The following LIPI variants were observed in gnomAD, a reference collection of about 807,000 sequenced individuals.
LIPI encodes the protein lipase member I.
LIPI carries 59 observed loss-of-function variants against 50.6 expected under a neutral mutation model. The ratio of observed to expected loss-of-function variants is 1.16; its 90% CI spans 0.94 to 1.45. The LOEUF is 1.45. Ranked by LOEUF, LIPI falls within the 40% of genes most tolerant of loss-of-function variation. The pLI is 0.00. For synonymous variants in LIPI, 203 were observed against 178.2 expected, an observed-to-expected ratio of 1.14 and a Z score of -1.11; for missense variants, 586 against 536.3, an observed-to-expected ratio of 1.09 and a Z score of -0.92.
At chr21:14,168,789 A>T (rs2018786445) in intron 4 of LIPI, among the ~76,000 whole-genome samples, 1 of 152,218 alleles carries the variant, frequency 6.6e-6, no homozygotes, top group African/African-American at 2.4e-5. Flanking sequence ...CACTGAGGCT[A>T]GGAAGAAACT....
At chr21:14,188,137 A>G (rs1175702360) in intron 2 of LIPI, among the ~76,000 whole-genome samples, 1 of 152,218 alleles carries the variant, frequency 6.6e-6, no homozygotes. Flanking sequence ...TAGGATAGAC[A>G]TGGATCTCCC....
chr21:14,125,818 G>A (rs1402627931), intron 9 of LIPI, among the ~76,000 whole-genome samples: 3 of 152,224 alleles, frequency 2.0e-5, no homozygotes, highest in East Asian at 3.9e-4. Flanking sequence ...GCCTCCCAAA[G>A]TGCTGGGTTA....
intron 6 of LIPI, 91 bp downstream of exon 6, chr21:14,165,132 G>A (rs1600884050): frequency 2.1e-6 from 2 of 955,976 alleles, no homozygotes; most frequent in East Asian, 5.2e-5. Context: ...CAAGTAAACA[G>A]AGTGCACAGT....
At position 14,210,949 on chromosome 21, in the gene LIPI, C is replaced by A; in HGVS notation, c.-104G>T. ...TAGGATCATCACAGGCTGGCAGGTT[C>A]TTCTGTAAAAGTTCACTGATTTTTG... On this transcript the variant is annotated 5_prime_UTR_variant, in exon 1 of 10. Transcript: ENST00000681601. 9.4e-7 allele frequency: 1 copy of A among 1,064,960 alleles called. No homozygotes were observed. The highest frequency in any genetic ancestry group is 1.1e-6 in the Non-Finnish European group (1 of 875,738). The allele number at this position is 1,064,960 out of a possible 1,614,324, so 66.0% of individuals were successfully genotyped here.
At chr21:14,176,803 T>C (rs1231324372) in intron 4 of LIPI, among the ~76,000 whole-genome samples, 1 of 151,466 alleles carries the variant, frequency 6.6e-6, no homozygotes, top group Non-Finnish European at 1.5e-5. Context: ...ATTATTATTA[T>C]TATACTTTAA....
intron 4 of LIPI, among the ~76,000 whole-genome samples, chr21:14,169,275 C>A (rs1246259596): frequency 6.6e-6 from 1 of 152,044 alleles, no homozygotes; most frequent in Non-Finnish European, 1.5e-5. Flanking sequence ...GAGACTTTAA[C>A]ACCTCACTGT....
intron 4 of LIPI, among the ~76,000 whole-genome samples, chr21:14,170,967 C>G (rs533426943): frequency 6.6e-6 from 1 of 151,676 alleles, no homozygotes; most frequent in African/African-American, 2.4e-5. Context: ...TAGAAAACCC[C>G]ATTTTCTCAG....
chr21:14,144,836 AT>A (rs1170279889), intron 8 of LIPI, 37 bp from the exon 9 acceptor site: 2 of 1,372,610 alleles, frequency 1.5e-6, no homozygotes, highest in Non-Finnish European at 2.1e-6. Flanking sequence ...CATATTAATA[AT>A]TTGAAACATA....
chr21:14,155,586 T>G (rs1483456548), intron 7 of LIPI, among the ~76,000 whole-genome samples: 2 of 152,020 alleles, frequency 1.3e-5, no homozygotes, highest in African/African-American at 4.8e-5. Flanking sequence ...AAAGAAATGA[T>G]GCATTACCTA....
At chr21:14,169,665 T>C (rs1207461404) in intron 4 of LIPI, among the ~76,000 whole-genome samples, 1 of 152,084 alleles carries the variant, frequency 6.6e-6, no homozygotes, top group Non-Finnish European at 1.5e-5. Context: ...TTGAAACCAA[T>C]GAGAACAAAG....
chr21:14,119,333 C>T (rs766909427), intron 9 of LIPI, among the ~76,000 whole-genome samples: 5 of 152,178 alleles, frequency 3.3e-5, no homozygotes, highest in African/African-American at 7.2e-5. Context: ...CTCCTTTGAG[C>T]GCTGTGGAAA....
At chr21:14,126,189 A>G (rs1311853823) in intron 9 of LIPI, among the ~76,000 whole-genome samples, 1 of 152,156 alleles carries the variant, frequency 6.6e-6, no homozygotes, top group Non-Finnish European at 1.5e-5. Context: ...CAGATATTCC[A>G]ATTCTAAATA....
chr21:14,120,480 C>A (rs1007049488), intron 9 of LIPI, among the ~76,000 whole-genome samples: 2 of 152,170 alleles, frequency 1.3e-5, no homozygotes, highest in Non-Finnish European at 2.9e-5. Flanking sequence ...GGAAATAGGG[C>A]AGGTCCTAGA....
intron 4 of LIPI, among the ~76,000 whole-genome samples, chr21:14,174,681 G>C (rs1363203353): frequency 1.3e-5 from 2 of 152,144 alleles, no homozygotes; most frequent in African/African-American, 4.8e-5. Context: ...AGCCTCCCAA[G>C]TAGCTGGGAC....
At chr21:14,160,007 A>G (rs1346424767) in intron 7 of LIPI, among the ~76,000 whole-genome samples, 3 of 151,470 alleles carry the variant, frequency 2.0e-5, no homozygotes, top group African/African-American at 4.8e-5. Flanking sequence ...AAGACATACC[A>G]TATTCATGAA....
At chr21:14,109,885 T>G (rs1003812177) in intron 9 of LIPI, among the ~76,000 whole-genome samples, 1 of 151,814 alleles carries the variant, frequency 6.6e-6, no homozygotes, top group Non-Finnish European at 1.5e-5. Flanking sequence ...GTTATCACTG[T>G]CATGAATTTT....
chr21:14,151,033 G>A (rs1397656280), intron 8 of LIPI, among the ~76,000 whole-genome samples: 1 of 152,006 alleles, frequency 6.6e-6, no homozygotes, highest in Non-Finnish European at 1.5e-5. Context: ...CATTTTGCTG[G>A]ACTTGTAACC....
intron 8 of LIPI, among the ~76,000 whole-genome samples, chr21:14,152,042 C>A (rs975140698): frequency 7.9e-5 from 12 of 151,744 alleles, no homozygotes; most frequent in Non-Finnish European, 1.6e-4. Flanking sequence ...GAGAGAAAGA[C>A]ACAAAGTCGT....
intron 5 of LIPI, 101 bp from the exon 6 acceptor site, chr21:14,165,491 A>G (rs2018649910): frequency 1.2e-6 from 1 of 800,948 alleles, no homozygotes; most frequent in Admixed American, 2.3e-5. Context: ...AATACTATGT[A>G]CCTTATGAAT....
Sources: gnomAD v4.1 joint callset for allele counts (sites outside exome capture counted in the v4.1 genomes callset) on GRCh38, gnomAD v4.1.1 for gene constraint, MANE v1.5 for transcripts, NCBI Gene and HGNC (gene_info 2026-07-23, HGNC 2026-07-21) for gene names.